The following SOX5 variants were observed in gnomAD, a reference collection of about 807,000 sequenced individuals.
SOX5 encodes the protein SRY-box transcription factor 5.
A neutral mutation model predicts 92.0 loss-of-function variants in SOX5; 9 were observed. The observed-to-expected ratio is 0.10, with a 90% CI of 0.06 to 0.17. The LOEUF (loss-of-function observed/expected upper bound fraction) is 0.17, where lower values mean the gene tolerates loss of function less well. Ranked by LOEUF, SOX5 falls within the 10% of genes least tolerant of loss-of-function variation. The probability of loss-of-function intolerance (pLI) is 1.00; values close to 1 mark genes in which losing one functional copy is unlikely to be tolerated. For synonymous variants in SOX5, 344 were observed against 336.3 expected (o/e 1.02, Z -0.25); for missense variants, 642 against 944.5 (o/e 0.68, Z 4.20).
chr12:24,062,405 T>A (rs1939902190), intron 4 of SOX5, among the ~76,000 whole-genome samples: 1 of 152,216 alleles, frequency 6.6e-6, no homozygotes, highest in South Asian at 2.1e-4. Flanking sequence ...ACAATGTAGT[T>A]GTTTGCCGAA....
At position 23,563,410 on chromosome 12, in the gene SOX5, A is replaced by G. The variant is rs2136355702; in HGVS notation, c.1343-7T>C. ...TCATGGTCATTTAAGTAACCTGAAC[A>G]TGAGACAGATCAAAGGATATCTTTT... On this transcript the variant is annotated splice_region_variant and splice_polypyrimidine_tract_variant and intron_variant, in intron 10 of 14. Transcript: ENST00000451604. The G allele has an allele frequency of 3.1e-6, 5 of 1,612,994 alleles. No homozygotes were observed. The highest frequency in any genetic ancestry group is 1.7e-4 in the Middle Eastern group (1 of 6,048).
At chr12:23,789,334 C>A (rs576753062) in intron 3 of SOX5, among the ~76,000 whole-genome samples, 2 of 152,078 alleles carry the variant, frequency 1.3e-5, no homozygotes, top group East Asian at 3.9e-4. Context: ...TGACTGCCAA[C>A]AATATCCAAG....
intron 3 of SOX5, among the ~76,000 whole-genome samples, chr12:24,251,772 A>G (rs1450396743): frequency 1.3e-5 from 2 of 151,674 alleles, no homozygotes; most frequent in African/African-American, 4.9e-5. Context: ...AGTTTTCACC[A>G]TGTTGGCCAG....
intron 9 of SOX5, among the ~76,000 whole-genome samples, chr12:23,577,391 G>T (rs914543065): frequency 6.6e-6 from 1 of 151,238 alleles, no homozygotes; most frequent in Non-Finnish European, 1.5e-5. Context: ...GTAGAGACAG[G>T]GTTTCACCAT....
At chr12:23,717,476 G>A (rs1357645011) in intron 6 of SOX5, among the ~76,000 whole-genome samples, 1 of 151,982 alleles carries the variant, frequency 6.6e-6, no homozygotes, top group Non-Finnish European at 1.5e-5. Context: ...TTCACTTTTG[G>A]GAAGCTATTA....
rs10627494 is a variant in SOX5, at chr12:24,331,848, C to CAAA, written c.-174+36712_-174+36714dup. Among the ~76,000 whole-genome samples, 81 of 31,656 alleles carry CAAA rather than the reference C, an allele frequency of 2.6e-3. 1 individual carries two copies. The highest frequency in any genetic ancestry group is 3.1e-3 in the Non-Finnish European group (60 of 19,200). 20.8% of individuals were successfully genotyped at this position (31,656 alleles called of 152,430 possible). ...GCCTGGGAACAGAGCAAGACTGTCT[C>CAAA]AAAAAAAAAAAAAAAAAAAAAAAAA... is the stretch of plus-strand genomic sequence containing the variant. On this transcript the variant is annotated intron_variant, in intron 2 of 4. Coordinates refer to the SOX5 transcript ENST00000446891.
chr12:24,087,846 T>C (rs1031403101), intron 4 of SOX5, among the ~76,000 whole-genome samples: 2 of 152,048 alleles, frequency 1.3e-5, no homozygotes, highest in African/African-American at 4.8e-5. Context: ...ACTCTAAATA[T>C]TCACATCCTC....
chr12:23,782,966 G>A (rs2141813228), intron 3 of SOX5, among the ~76,000 whole-genome samples: 1 of 152,074 alleles, frequency 6.6e-6, no homozygotes, highest in African/African-American at 2.4e-5. Context: ...CCCTTTGAGA[G>A]CCTTTCCTCT....
chr12:24,122,660 A>C (rs1948744864), intron 4 of SOX5, among the ~76,000 whole-genome samples: 1 of 152,186 alleles, frequency 6.6e-6, no homozygotes, highest in Admixed American at 6.5e-5. Context: ...AAACAGTTGT[A>C]GCTTTATTGA....
At chr12:24,341,707 C>G (rs181956453) in intron 2 of SOX5, among the ~76,000 whole-genome samples, 1 of 152,294 alleles carries the variant, frequency 6.6e-6, no homozygotes, top group Non-Finnish European at 1.5e-5. Flanking sequence ...GAGAAACTGG[C>G]AGGATACAGT....
At chr12:24,291,886 C>G (rs1466297146) in intron 2 of SOX5, among the ~76,000 whole-genome samples, 1 of 152,206 alleles carries the variant, frequency 6.6e-6, no homozygotes. Flanking sequence ...AAAGGAAGCA[C>G]TGTGGTTGCC....
At chr12:24,294,026 G>GA (rs982151020) in intron 2 of SOX5, among the ~76,000 whole-genome samples, 2 of 152,072 alleles carry the variant, frequency 1.3e-5, no homozygotes, top group Non-Finnish European at 2.9e-5. Flanking sequence ...TTAAGTCCTG[G>GA]AAAAAAATAA....
At chr12:24,267,983 C>T (rs983057164) in intron 3 of SOX5, among the ~76,000 whole-genome samples, 1 of 152,138 alleles carries the variant, frequency 6.6e-6, no homozygotes, top group Non-Finnish European at 1.5e-5. Context: ...CCATTATATT[C>T]GTCCAGGCTA....
intron 3 of SOX5, among the ~76,000 whole-genome samples, chr12:23,797,443 T>A (rs1332659033): frequency 6.6e-6 from 1 of 151,822 alleles, no homozygotes; most frequent in Admixed American, 6.6e-5. Context: ...TCTACTTGAG[T>A]TTTTGGCTAT....
At chr12:23,682,312 A>G (rs1360439122) in intron 6 of SOX5, among the ~76,000 whole-genome samples, 1 of 151,846 alleles carries the variant, frequency 6.6e-6, no homozygotes, top group Non-Finnish European at 1.5e-5. Flanking sequence ...TCATTTTCTG[A>G]ATAAGTGGTT....
intron 11 of SOX5, among the ~76,000 whole-genome samples, chr12:23,553,550 A>G (rs888041570): frequency 1.3e-5 from 2 of 152,090 alleles, no homozygotes; most frequent in African/African-American, 4.8e-5. Flanking sequence ...AGGAGGGGAA[A>G]AAAACAAAAC....
chr12:24,265,769 A>G (rs1163397216), intron 3 of SOX5, among the ~76,000 whole-genome samples: 2 of 152,214 alleles, frequency 1.3e-5, no homozygotes, highest in Admixed American at 6.5e-5. Context: ...ATGCATGTGC[A>G]CATATGTACT....
chr12:24,414,783 G>A (rs935432497), intron 1 of SOX5, among the ~76,000 whole-genome samples: 1 of 152,234 alleles, frequency 6.6e-6, no homozygotes, highest in Admixed American at 6.5e-5. Flanking sequence ...TTTAGGAAAA[G>A]AGAGGAAGCT....
At chr12:24,249,431 T>TA (rs951678310) in intron 3 of SOX5, among the ~76,000 whole-genome samples, 3 of 152,244 alleles carry the variant, frequency 2.0e-5, no homozygotes, top group East Asian at 1.9e-4. Flanking sequence ...ACAAGCCCTT[T>TA]AAAAAAAATC....
Sources: allele counts gnomAD v4.1 joint callset (sites outside exome capture counted in the v4.1 genomes callset), GRCh38; gene constraint gnomAD v4.1.1; transcripts MANE v1.5; gene names NCBI Gene and HGNC (gene_info 2026-07-23, HGNC 2026-07-21).